RARB: variants seen among roughly 807,000 people sequenced by gnomAD.
RARB encodes retinoic acid receptor beta.
A neutral mutation model predicts 51.9 loss-of-function variants in RARB; 17 were observed. That is an observed-to-expected ratio of 0.33 (90% CI 0.22 to 0.49). RARB has a LOEUF of 0.49. Ranked by LOEUF, RARB falls within the 20% of genes least tolerant of loss-of-function variation. The pLI is 0.99. For synonymous variants in RARB, 215 were observed against 195.4 expected, an observed-to-expected ratio of 1.10 and a Z score of -0.84; for missense variants, 369 against 550.8, an observed-to-expected ratio of 0.67 and a Z score of 3.30.
intron 3 of RARB, among the ~76,000 whole-genome samples, chr3:25,524,707 C>T (rs1234853022): frequency 1.3e-5 from 2 of 150,102 alleles, no homozygotes; most frequent in African/African-American, 4.9e-5. Context: ...CTTTTTCCTC[C>T]CATGTTTTTA....
At chr3:24,836,305 A>C (rs1702344669) in intron 1 of RARB, among the ~76,000 whole-genome samples, 1 of 152,188 alleles carries the variant, frequency 6.6e-6, no homozygotes, top group African/African-American at 2.4e-5. Flanking sequence ...ACTGGATATA[A>C]GAGAGGACAG....
intron 5 of RARB, among the ~76,000 whole-genome samples, chr3:25,292,342 A>G (rs568840125): frequency 3.9e-5 from 6 of 152,160 alleles, no homozygotes; most frequent in Non-Finnish European, 8.8e-5. Flanking sequence ...CCCCGATGTC[A>G]CAGAGTCTAA....
At chr3:25,482,452 C>G (rs1559426195) in intron 2 of RARB, among the ~76,000 whole-genome samples, 1 of 149,730 alleles carries the variant, frequency 6.7e-6, no homozygotes, top group Non-Finnish European at 1.5e-5. Context: ...TAGACCAGCA[C>G]TGTTCAACAG....
chr3:25,471,848 C>G (rs1695713560), intron 2 of RARB, among the ~76,000 whole-genome samples: 1 of 152,122 alleles, frequency 6.6e-6, no homozygotes, highest in African/African-American at 2.4e-5. Context: ...GAGAGCTTTC[C>G]ATATTTCCTT....
chr3:25,061,295 A>T (rs918577531), intron 3 of RARB, among the ~76,000 whole-genome samples: 1 of 151,878 alleles, frequency 6.6e-6, no homozygotes, highest in South Asian at 2.1e-4. Flanking sequence ...AGCAAAGGTA[A>T]ACATATCAAA....
chr3:25,054,835 A>C (rs1698405615), intron 2 of RARB, among the ~76,000 whole-genome samples: 1 of 152,216 alleles, frequency 6.6e-6, no homozygotes, highest in African/African-American at 2.4e-5. Flanking sequence ...GAAGGCCAAG[A>C]GGAGCTGAGA....
At chr3:24,882,426 A>G (rs1489940423) in intron 2 of RARB, among the ~76,000 whole-genome samples, 1 of 152,230 alleles carries the variant, frequency 6.6e-6, no homozygotes, top group African/African-American at 2.4e-5. Context: ...GATGATTTGA[A>G]GTATATGGAA....
intron 3 of RARB, among the ~76,000 whole-genome samples, chr3:25,109,903 C>T (rs1328952060): frequency 6.6e-6 from 1 of 152,200 alleles, no homozygotes; most frequent in African/African-American, 2.4e-5. Flanking sequence ...CACAAGATAC[C>T]CCTGTAGGCT....
intron 2 of RARB, among the ~76,000 whole-genome samples, chr3:25,053,180 C>T (rs1392871361): frequency 2.0e-5 from 3 of 152,024 alleles, no homozygotes; most frequent in Admixed American, 1.3e-4. Flanking sequence ...TAGCAGCACC[C>T]CTGGACTACA....
At chr3:24,881,172 C>T (rs1453202407) in intron 2 of RARB, among the ~76,000 whole-genome samples, 1 of 152,202 alleles carries the variant, frequency 6.6e-6, no homozygotes, top group African/African-American at 2.4e-5. Flanking sequence ...CCTTGCTTCT[C>T]CTTTGCCTTC....
intron 5 of RARB, among the ~76,000 whole-genome samples, chr3:25,316,523 T>G (rs898900652): frequency 1.3e-5 from 2 of 152,092 alleles, no homozygotes; most frequent in East Asian, 3.9e-4. Context: ...ATAATTCAGA[T>G]ATATCTATAG....
At chr3:24,993,772 C>A (rs1696964211) in intron 2 of RARB, among the ~76,000 whole-genome samples, 1 of 152,086 alleles carries the variant, frequency 6.6e-6, no homozygotes, top group South Asian at 2.1e-4. Context: ...ACTCTCTGTT[C>A]CTGTTTTATT....
At chr3:25,497,192 A>G (rs1165260534) in intron 2 of RARB, among the ~76,000 whole-genome samples, 1 of 152,180 alleles carries the variant, frequency 6.6e-6, no homozygotes, top group East Asian at 1.9e-4. Flanking sequence ...GCCGAAAACC[A>G]GGTCTTAAGA....
chr3:25,424,431 T>C (rs560369787), upstream of RARB, among the ~76,000 whole-genome samples: 16 of 152,346 alleles, frequency 1.1e-4, no homozygotes, highest in Non-Finnish European at 2.2e-4. Context: ...AAGAGCCTCA[T>C]ACTTGCCTCG....
intron 2 of RARB, among the ~76,000 whole-genome samples, chr3:25,499,531 G>A (rs369435912): frequency 6.6e-6 from 1 of 152,126 alleles, no homozygotes; most frequent in Admixed American, 6.5e-5. Flanking sequence ...AGGAAGTTGG[G>A]GACCCTTTCT....
At chr3:24,942,008 A>C (rs905300260) in intron 2 of RARB, among the ~76,000 whole-genome samples, 1 of 152,236 alleles carries the variant, frequency 6.6e-6, no homozygotes, top group Non-Finnish European at 1.5e-5. Context: ...TAGTTTCCAC[A>C]GCACAGAAAT....
At chr3:25,545,110 T>C (rs1239314266) in intron 3 of RARB, among the ~76,000 whole-genome samples, 1 of 152,000 alleles carries the variant, frequency 6.6e-6, no homozygotes, top group Non-Finnish European at 1.5e-5. Context: ...ACCCAGCTAA[T>C]GTTTGTATTT....
intron 2 of RARB, among the ~76,000 whole-genome samples, chr3:25,006,133 T>G (rs1697267620): frequency 6.6e-6 from 1 of 152,152 alleles, no homozygotes; most frequent in Non-Finnish European, 1.5e-5. Context: ...GAAAGACCTT[T>G]CCTGACCACC....
chr3:25,004,067 G>A (rs974920341), intron 2 of RARB, among the ~76,000 whole-genome samples: 1 of 152,112 alleles, frequency 6.6e-6, no homozygotes, highest in Admixed American at 6.5e-5. Flanking sequence ...TCTAGTACAA[G>A]TTCCTTTATG....
Sources: allele counts gnomAD v4.1 joint callset (sites outside exome capture counted in the v4.1 genomes callset), GRCh38; gene constraint gnomAD v4.1.1; transcripts MANE v1.5; gene names NCBI Gene and HGNC (gene_info 2026-07-23, HGNC 2026-07-21).